Variants in SLC39A9 observed in about 807,000 individuals in gnomAD.
The protein encoded by SLC39A9 is zinc transporter ZIP9.
SLC39A9 carries 14 observed loss-of-function variants against 28.4 expected under a neutral mutation model. That is an observed-to-expected ratio of 0.49 (90% confidence interval 0.33 to 0.77). SLC39A9 has a LOEUF of 0.77. Ranked by LOEUF, SLC39A9 falls within the 30% of genes least tolerant of loss-of-function variation. The pLI is 0.02. For missense variants in SLC39A9, 283 were observed against 381.1 expected (o/e 0.74, Z 2.14); for synonymous variants, 119 against 149.6 (o/e 0.80, Z 1.49).
At chr14:69,441,711 A>G (rs1243330269) in intron 2 of SLC39A9, 1 of 776,968 alleles carries the variant, frequency 1.3e-6, no homozygotes, top group East Asian at 1.2e-4. Context: ...TTCATCAGAA[A>G]AAAACAGTGT....
In SLC39A9 at chr14:69,458,600, A is replaced by T; in HGVS notation, c.*7A>T. 6.2e-7 allele frequency: 1 copy of T among 1,603,198 alleles called. No individual in the cohort carries two copies. Among genetic ancestry groups the T allele is most frequent in the African/African-American group, 1.3e-5 (1 of 74,848 alleles). On this transcript the variant is annotated 3_prime_UTR_variant, in exon 7 of 7. Transcript: ENST00000336643. The stretch of plus-strand genomic sequence containing the variant: ...AGTAGGACACCAGCATTAAATGTTC[A>T]AGGTCCAGCCTTGGTCCAGGGCCGT...
At chr14:69,408,887 T>C (rs1008732000) in intron 1 of SLC39A9, among the ~76,000 whole-genome samples, 4 of 152,236 alleles carry the variant, frequency 2.6e-5, no homozygotes, top group African/African-American at 7.2e-5. Context: ...AACATCTCTA[T>C]GTTCACATTA....
chr14:69,434,037 G>A (rs572099765), intron 2 of SLC39A9, among the ~76,000 whole-genome samples: 9 of 151,320 alleles, frequency 5.9e-5, no homozygotes, highest in African/African-American at 1.7e-4. Flanking sequence ...CTCCCACCTC[G>A]GCCTCCCAAA....
intron 1 of SLC39A9, among the ~76,000 whole-genome samples, chr14:69,409,229 T>C (rs1203359900): frequency 1.3e-5 from 2 of 152,260 alleles, no homozygotes; most frequent in Non-Finnish European, 2.9e-5. Flanking sequence ...GTTTGCATTT[T>C]TAACATAGTT....
At chr14:69,407,148 C>G (rs1241432623) in intron 1 of SLC39A9, among the ~76,000 whole-genome samples, 1 of 151,768 alleles carries the variant, frequency 6.6e-6, no homozygotes, top group Non-Finnish European at 1.5e-5. Flanking sequence ...CCACACCCAG[C>G]CCTGGAAATT....
intron 3 of SLC39A9, among the ~76,000 whole-genome samples, chr14:69,447,628 T>C (rs1188240768): frequency 6.6e-6 from 1 of 152,126 alleles, no homozygotes; most frequent in Admixed American, 6.5e-5. Context: ...TGAACTAAAC[T>C]GGGCTGGATG....
At chr14:69,413,496 G>A (rs1883394704) in intron 1 of SLC39A9, among the ~76,000 whole-genome samples, 1 of 152,074 alleles carries the variant, frequency 6.6e-6, no homozygotes, top group Non-Finnish European at 1.5e-5. Context: ...ACCAAAATTA[G>A]GTAGGATATA....
intron 1 of SLC39A9, among the ~76,000 whole-genome samples, chr14:69,403,277 A>C (rs1270641803): frequency 6.6e-6 from 1 of 152,176 alleles, no homozygotes; most frequent in Non-Finnish European, 1.5e-5. Flanking sequence ...AAGTAGGTTG[A>C]GAGCCTATAT....
At chr14:69,423,693 T>A (rs892922266) in intron 1 of SLC39A9, among the ~76,000 whole-genome samples, 6 of 151,928 alleles carry the variant, frequency 3.9e-5, no homozygotes, top group Non-Finnish European at 8.8e-5. Context: ...AGGTCAGGAG[T>A]TGGAGACCAG....
chr14:69,410,542 G>C (rs755497582), intron 1 of SLC39A9, among the ~76,000 whole-genome samples: 4 of 152,228 alleles, frequency 2.6e-5, no homozygotes, highest in Non-Finnish European at 2.9e-5. Context: ...CTGCTCCTTA[G>C]AGCCAGGAAG....
chr14:69,413,355 C>CA (rs879733339), intron 1 of SLC39A9, among the ~76,000 whole-genome samples: 111 of 128,334 alleles, frequency 8.6e-4, no homozygotes, highest in Non-Finnish European at 9.2e-4. Flanking sequence ...GACTCCGTCT[C>CA]AAAAAAAAAA....
rs1053004047 is a variant in SLC39A9 at position 69,458,461 on chromosome 14, T to G, written c.792T>G (p.Pro264=). 1 of 1,614,246 alleles carries G rather than the reference T, an allele frequency of 6.2e-7. No homozygotes were observed. Among genetic ancestry groups the G allele is most frequent in the African/African-American group, 1.3e-5 (1 of 75,064 alleles). The part of the protein sequence containing the change: ...FLYVATVHVL[P]EVGGIGHSHK... ...ATGTTGCCACAGTACATGTCCTCCC[T>G]GAGGTGGGCGGAATAGGGCACAGCC... Residue 264 remains proline (P), a synonymous_variant, in exon 7 of 7, where the codon CCT becomes CCG. Transcript: ENST00000336643.
At position 69,461,030 on chromosome 14, in the gene SLC39A9, TC is replaced by T; in HGVS notation, c.*2439del. 2.0e-6 allele frequency: 2 copies of T among 985,598 alleles called. No individual in the cohort carries two copies. Among genetic ancestry groups the T allele is most frequent in the Non-Finnish European group, 2.4e-6 (2 of 830,082 alleles). 61.1% of individuals were successfully genotyped at this position (985,598 alleles called of 1,614,324 possible). On this transcript the variant is annotated 3_prime_UTR_variant, in exon 7 of 7. Coordinates refer to ENST00000336643, the MANE Select transcript of SLC39A9 (RefSeq NM_018375.5). Reference sequence around the variant, plus strand: ...TGTTCACTTCTTGGCACATTTCAGTTCCGTTTTCCTCTTGTTTAAAACTGCC... The same window carrying T: ...TGTTCACTTCTTGGCACATTTCAGTTCGTTTTCCTCTTGTTTAAAACTGCC...
At chr14:69,423,981 G>A (rs1884044997) in intron 1 of SLC39A9, 113 bp from the exon 2 acceptor site, 1 of 646,588 alleles carries the variant, frequency 1.5e-6, no homozygotes, top group South Asian at 1.8e-5. Context: ...GCTGTCTATT[G>A]TAGATGTTGG....
intron 1 of SLC39A9, among the ~76,000 whole-genome samples, chr14:69,406,538 C>A (rs1476241433): frequency 6.6e-6 from 1 of 151,936 alleles, no homozygotes; most frequent in Non-Finnish European, 1.5e-5. Context: ...GAATTCCACA[C>A]TGGGCTGAGC....
intron 3 of SLC39A9, among the ~76,000 whole-genome samples, chr14:69,443,134 T>C (rs1453657152): frequency 6.6e-6 from 1 of 152,252 alleles, no homozygotes; most frequent in African/African-American, 2.4e-5. Context: ...AAAAGGATTC[T>C]GATACATGAT....
intron 1 of SLC39A9, 28 bp from the exon 2 acceptor site, chr14:69,424,066 G>A: frequency 1.3e-6 from 2 of 1,558,880 alleles, no homozygotes; most frequent in Non-Finnish European, 1.8e-6. Context: ...ATCAAAGTTT[G>A]CAATTATTTC....
Position 69,458,752 on chromosome 14 carries a change from G to A in SLC39A9, c.*159G>A, listed in dbSNP as rs1030427312. 5.1e-6 allele frequency: 7 copies of A among 1,379,186 alleles called. No homozygotes were observed. In the East Asian group the frequency reaches 1.5e-4, roughly 30 times the overall value. The allele number at this position is 1,379,186 out of a possible 1,614,324, so 85.4% of individuals were successfully genotyped here. ...GAGGTGAGGTTAAAACCTGAGTAAT[G>A]GAAAAGCTTTTAGAGTAGAAACACA... On this transcript the variant is annotated 3_prime_UTR_variant, in exon 7 of 7. Transcript: ENST00000336643.
In SLC39A9 at chr14:69,399,430, G is replaced by A. The variant is rs781286437; in HGVS notation, c.61G>A (p.Ala21Thr). The A allele has an allele frequency of 5.6e-6, 9 of 1,613,968 alleles. No individual in the cohort carries two copies. The South Asian group carries it at 6.6e-5, about 12-fold the overall frequency. ...SLAMLVGCYV[A>T]GIIPLAVNFS... ...GGCTATGTTGGTGGGATGTTACGTG[G>A]CCGGAATCATTCCCTTGGCTGTTAA... The change falls in exon 1 of 7, where the codon GCC becomes ACC. Residue 21 changes from alanine to threonine, a missense_variant. Ala to Thr is a moderately conservative substitution (Grantham distance 58). Coordinates refer to ENST00000336643, the MANE Select transcript of SLC39A9 (RefSeq NM_018375.5).
Sources: allele counts gnomAD v4.1 joint callset (sites outside exome capture counted in the v4.1 genomes callset), GRCh38; gene constraint gnomAD v4.1.1; transcripts MANE v1.5; gene names NCBI Gene and HGNC (gene_info 2026-07-23, HGNC 2026-07-21).